GFUS: variants seen among roughly 807,000 people sequenced by gnomAD.
GFUS encodes 3-5 epimerase/4-reductase.
Under a neutral mutation model 41.5 loss-of-function variants are expected in GFUS, and 42 were observed. That is an observed-to-expected ratio of 1.01 (90% CI 0.79 to 1.31). The LOEUF (loss-of-function observed/expected upper bound fraction) is 1.31, where lower values mean the gene tolerates loss of function less well. GFUS is among the 50% of genes most tolerant of loss of function. GFUS has a pLI of 0.00. For missense variants in GFUS, 437 were observed against 428.7 expected (o/e 1.02, Z -0.17); for synonymous variants, 188 against 173.4 (o/e 1.08, Z -0.66).
chr8:143,617,712 G>A (rs1280741006), upstream of GFUS: 1 of 152,090 alleles, frequency 6.6e-6, no homozygotes, highest in African/African-American at 2.4e-5. Flanking sequence ...CCCGGACGAA[G>A]TCCCGGGCCG....
chr8:143,614,618 G>T lies in GFUS; in HGVS notation c.464+6C>A. ...GGCTGGGCCTCAGCAGGATGGGCGCGAGGACCTGTTCTGCACGTCGATCAT... is the reference window on the plus strand; with the variant it reads ...GGCTGGGCCTCAGCAGGATGGGCGCTAGGACCTGTTCTGCACGTCGATCAT... On this transcript the variant is annotated splice_donor_region_variant and intron_variant, in intron 5 of 10. Coordinates refer to ENST00000425753, the MANE Select transcript of GFUS (RefSeq NM_003313.4). The T allele has an allele frequency of 6.3e-7, 1 of 1,583,006 alleles. No homozygotes were observed. Among genetic ancestry groups the T allele is most frequent in the African/African-American group, 1.3e-5 (1 of 74,590 alleles).
intron 2 of GFUS, 147 bp downstream of exon 2, chr8:143,616,420 C>T: frequency 7.5e-7 from 1 of 1,327,004 alleles, no homozygotes; most frequent in Non-Finnish European, 1.1e-6. Flanking sequence ...CAGCCAAGCA[C>T]ACCCAGGCCA....
Position 143,612,766 on chromosome 8 carries a change from G to C in GFUS, c.*144C>G. Reference sequence around the variant, plus strand: ...ACCAACGTGAATGGGGGCCCCACTGGAAAGATGCTTGGGGCTGCAGAGCGG... The same window carrying C: ...ACCAACGTGAATGGGGGCCCCACTGCAAAGATGCTTGGGGCTGCAGAGCGG... On this transcript the variant is annotated 3_prime_UTR_variant, in exon 11 of 11. Transcript: ENST00000425753. The C allele has an allele frequency of 1.8e-6, 2 of 1,098,006 alleles. No individual in the cohort carries two copies. Among genetic ancestry groups the C allele is most frequent in the Non-Finnish European group, 2.6e-6 (2 of 768,904 alleles). The allele number at this position is 1,098,006 out of a possible 1,614,324, so 68.0% of individuals were successfully genotyped here. A position where few individuals can be genotyped will look rare whatever the true frequency, so the allele number is the denominator to read the frequency against.
At chr8:143,613,343 C>G in intron 9 of GFUS, 48 bp from the exon 10 acceptor site, 3 of 1,577,588 alleles carry the variant, frequency 1.9e-6, no homozygotes, top group Non-Finnish European at 2.6e-6. Flanking sequence ...TCCACCCCAG[C>G]CCCCGCAGCT....
In GFUS at chr8:143,613,715, C is replaced by T. The variant is rs1257103061; in HGVS notation, c.730+36G>A. The stretch of plus-strand genomic sequence containing the variant: ...CAGGACAACCTTGGATCCTGTCCTA[C>T]CATGGAGGAAGGGGGCTGAGGGCTG... On this transcript the variant is annotated intron_variant, in intron 8 of 10. Coordinates refer to ENST00000425753, the MANE Select transcript of GFUS (RefSeq NM_003313.4). The T allele has an allele frequency of 5.8e-6, 9 of 1,556,428 alleles. No homozygotes were observed. In the Admixed American group the frequency reaches 1.6e-4, roughly 27 times the overall value.
chr8:143,613,044 G>T (rs1829616240), intron 10 of GFUS, 79 bp from the exon 11 acceptor site: 1 of 1,577,064 alleles, frequency 6.3e-7, no homozygotes, highest in Non-Finnish European at 8.6e-7. Context: ...GGAGGCCCAG[G>T]GACAGGGAAG....
rs749641821 is a variant in GFUS at position 143,612,874 on chromosome 8, C to T, written c.*36G>A. Reference sequence around the variant, plus strand: ...GTGGTGGCCGCTGGGCTCTGCCAGCCGATGGTCCGCTGGCACCTGATCCTG... The same window carrying T: ...GTGGTGGCCGCTGGGCTCTGCCAGCTGATGGTCCGCTGGCACCTGATCCTG... On this transcript the variant is annotated 3_prime_UTR_variant, in exon 11 of 11. Coordinates refer to ENST00000425753, the MANE Select transcript of GFUS (RefSeq NM_003313.4). 3.2e-6 allele frequency: 5 copies of T among 1,587,084 alleles called. No homozygotes were observed. The highest frequency in any genetic ancestry group is 2.7e-5 in the African/African-American group (2 of 74,108).
chr8:143,614,950 C>T, intron 3 of GFUS, 35 bp from the exon 4 acceptor site: 1 of 1,567,638 alleles, frequency 6.4e-7, no homozygotes, highest in Non-Finnish European at 8.7e-7. Flanking sequence ...TCAGGCTCCC[C>T]AGGCCAGATC....
chr8:143,616,548 TGGG>T lies in GFUS; in HGVS notation c.146+16_146+18del. 1 of 1,613,738 alleles carries T rather than the reference TGGG, an allele frequency of 6.2e-7. No individual in the cohort carries two copies. Among genetic ancestry groups the T allele is most frequent in the Non-Finnish European group, 8.5e-7 (1 of 1,179,910 alleles). On this transcript the variant is annotated intron_variant, in intron 2 of 10. Transcript: ENST00000425753. The stretch of plus-strand genomic sequence containing the variant: ...GTAGGATGGAGAGGAAGGGCTGATC[TGGG>T]GATGGGCTCACTCACGTGAGATCGG...
At chr8:143,616,407 A>T in intron 2 of GFUS, 160 bp downstream of exon 2, 1 of 1,267,330 alleles carries the variant, frequency 7.9e-7, no homozygotes, top group Non-Finnish European at 1.1e-6. Context: ...TTTTCCAGGA[A>T]CACAGCCAAG....
In GFUS at chr8:143,614,734, G is replaced by A. The variant is rs759610203; in HGVS notation, c.391-37C>T. 2.8e-5 allele frequency: 45 copies of A among 1,613,144 alleles called. No homozygotes were observed. In the Admixed American group the frequency reaches 6.8e-4, roughly 24 times the overall value. On this transcript the variant is annotated intron_variant, in intron 4 of 10. Coordinates refer to ENST00000425753, the MANE Select transcript of GFUS (RefSeq NM_003313.4). The stretch of plus-strand genomic sequence containing the variant: ...GGAGAGGCAGAGGCCGCTACTTCCT[G>A]GCCCTGCCCACCGGCTCCCCGGCCC...
chr8:143,616,237 T>G lies in GFUS; in HGVS notation c.147-17A>C, dbSNP rs1829722061. On this transcript the variant is annotated splice_polypyrimidine_tract_variant and intron_variant, in intron 2 of 10. Coordinates refer to ENST00000425753, the MANE Select transcript of GFUS (RefSeq NM_003313.4). Reference sequence around the variant, plus strand: ...GCTGTATCCCTGTAGGAAGCCAGGCTGTCAGGAGGCTCTGGAGGGAACCAG... The same window carrying G: ...GCTGTATCCCTGTAGGAAGCCAGGCGGTCAGGAGGCTCTGGAGGGAACCAG... 2 of 1,612,158 alleles carry G rather than the reference T, an allele frequency of 1.2e-6. No homozygotes were observed. The highest frequency in any genetic ancestry group is 3.3e-5 in the Admixed American group (2 of 60,016).
At chr8:143,616,997 T>C (rs1829744186) in intron 1 of GFUS, 2 of 506,112 alleles carry the variant, frequency 4.0e-6, no homozygotes, top group Non-Finnish European at 7.2e-6. Context: ...AAAAGGTACA[T>C]TCTACTCCCC....
chr8:143,613,635 TG>T, intron 8 of GFUS, 32 bp from the exon 9 acceptor site: 1 of 1,610,210 alleles, frequency 6.2e-7, no homozygotes. Flanking sequence ...GGCCTCCCCT[TG>T]GTGCCACCCG....
chr8:143,613,872 A>G (rs1247752503), intron 7 of GFUS, 55 bp from the exon 8 acceptor site: 2 of 1,531,384 alleles, frequency 1.3e-6, no homozygotes, highest in Non-Finnish European at 1.8e-6. Flanking sequence ...CCCTCTCCCA[A>G]ACGCCCCTGC....
rs1829735190 is a variant in GFUS at position 143,616,669 on chromosome 8, C to T, written c.44G>A (p.Gly15Asp). The change falls in exon 2 of 11, where the codon GGC becomes GAC. Residue 15 changes from glycine (G) to aspartate (D), a missense_variant. Coordinates refer to ENST00000425753, the MANE Select transcript of GFUS (RefSeq NM_003313.4). The stretch of plus-strand genomic sequence containing the variant: ...GATGGCTTTGCCTACCAGCCCAGAG[C>T]CCCCTGTCACTAGAATCCGCATGGA... ...QGSMRILVTG[G>D]SGLVGKAIQK... 1 of 1,613,802 alleles carries T rather than the reference C, an allele frequency of 6.2e-7. No individual in the cohort carries two copies. The highest frequency in any genetic ancestry group is 1.1e-5 in the South Asian group (1 of 91,088).
intron 4 of GFUS, 21 bp from the exon 5 acceptor site, chr8:143,614,718 G>A (rs1829678896): frequency 1.9e-6 from 3 of 1,613,038 alleles, no homozygotes; most frequent in African/African-American, 1.3e-5. Flanking sequence ...GGGAGAGGCA[G>A]AGGCCGCTAC....
chr8:143,613,653 C>T, intron 8 of GFUS, 50 bp from the exon 9 acceptor site: 1 of 1,599,180 alleles, frequency 6.3e-7, no homozygotes. Flanking sequence ...CCCGACGGCC[C>T]ATGAATATTC....
rs749423761 is a variant in GFUS, at chr8:143,614,811, C to T, written c.366G>A (p.Thr122=). 9.9e-6 allele frequency: 16 copies of T among 1,613,586 alleles called. No individual in the cohort carries two copies. The highest frequency in any genetic ancestry group is 2.2e-5 in the South Asian group (2 of 91,092). ...CLSTCIFPDK[T]TYPIDETMIH... ...CCATGGTCTCATCTATCGGGTAGGT[C>T]GTCTTGTCAGGGAAGATACAGGTGG... Residue 122 remains threonine (T), a synonymous_variant, in exon 4 of 11, where the codon ACG becomes ACA. Transcript: ENST00000425753.
Sources: gnomAD v4.1 joint callset for allele counts on GRCh38, gnomAD v4.1.1 for gene constraint, MANE v1.5 for transcripts, NCBI Gene and HGNC (gene_info 2026-07-23, HGNC 2026-07-21) for gene names.